Variants in XRCC4 observed in about 807,000 individuals in gnomAD.
The protein encoded by XRCC4 is DNA repair protein XRCC4.
A neutral mutation model predicts 39.1 loss-of-function variants in XRCC4; 28 were observed. The observed-to-expected ratio is 0.72, with a 90% CI of 0.53 to 0.98. XRCC4 has a LOEUF of 0.98. Ranked by LOEUF, XRCC4 falls within the 50% of genes least tolerant of loss-of-function variation. The probability of loss-of-function intolerance (pLI) is 0.00; values close to 1 mark genes in which losing one functional copy is unlikely to be tolerated. For missense variants in XRCC4, 350 were observed against 376.4 expected (o/e 0.93, Z 0.58); for synonymous variants, 123 against 126.4 (o/e 0.97, Z 0.18).
At chr5:83,247,184 A>C (rs1037439201) in intron 6 of XRCC4, among the ~76,000 whole-genome samples, 2 of 152,234 alleles carry the variant, frequency 1.3e-5, no homozygotes, top group Non-Finnish European at 2.9e-5. Flanking sequence ...ACAAGTATGC[A>C]TAATTCTAAG....
chr5:83,174,924 G>A lies in XRCC4; in HGVS notation c.316-20846G>A, dbSNP rs115606103. Among the ~76,000 whole-genome samples the A allele has an allele frequency of 9.1e-3, 1,379 of 152,236 alleles. 29 individuals carry two copies. Among genetic ancestry groups the A allele is most frequent in the African/African-American group, 0.032 (1,325 of 41,546 alleles). ...TTATGAAAATCAATATATTAGCATT[G>A]TAGGCCTTATACTACTACTCTCTTT... On this transcript the variant is annotated intron_variant, in intron 3 of 7. Transcript: ENST00000396027.
chr5:83,238,161 T>G (rs976208506), intron 6 of XRCC4, among the ~76,000 whole-genome samples: 1 of 152,156 alleles, frequency 6.6e-6, no homozygotes, highest in African/African-American at 2.4e-5. Context: ...CCTTATGGTA[T>G]TCAATAATTC....
intron 7 of XRCC4, among the ~76,000 whole-genome samples, chr5:83,299,270 T>G (rs1368411193): frequency 6.6e-6 from 1 of 152,136 alleles, no homozygotes; most frequent in Non-Finnish European, 1.5e-5. Context: ...GGCCAACAGT[T>G]TCACAATCAC....
At chr5:83,082,785 C>G (rs1417536535) in intron 1 of XRCC4, among the ~76,000 whole-genome samples, 2 of 151,632 alleles carry the variant, frequency 1.3e-5, no homozygotes, top group East Asian at 1.9e-4. Flanking sequence ...TTATGTGTGG[C>G]CCAAGACAAT....
rs371824973 is a variant in XRCC4, at chr5:83,204,910, G to A, written c.734G>A (p.Gly245Glu). 2 of 1,610,352 alleles carry A rather than the reference G, an allele frequency of 1.2e-6. No homozygotes were observed. Among genetic ancestry groups the A allele is most frequent in the Non-Finnish European group, 1.7e-6 (2 of 1,177,606 alleles). The change falls in exon 6 of 8, where the codon GGG becomes GAG. Residue 245 changes from glycine to glutamate, a missense_variant. By Grantham distance (98) the Gly-to-Glu change is moderately conservative. Coordinates refer to ENST00000396027, the MANE Select transcript of XRCC4 (RefSeq NM_003401.5). ...EESENQTDLS[G>E]LASAAVSKDD... ...AGTGAAAACCAAACTGATCTCTCTG[G>A]GTTGGCTTCAGGTAAGAGATACATA...
intron 3 of XRCC4, among the ~76,000 whole-genome samples, chr5:83,125,224 C>T (rs145781943): frequency 5.7e-4 from 87 of 152,218 alleles, no homozygotes; most frequent in Middle Eastern, 3.4e-3. Flanking sequence ...CTTCTAGTCT[C>T]TTGCTGGTCT....
chr5:83,280,752 T>C (rs557598752), intron 7 of XRCC4: 4 of 177,184 alleles, frequency 2.3e-5, no homozygotes, highest in African/African-American at 9.4e-5. Context: ...TATCACCTCA[T>C]TGGGGATTAA....
chr5:83,296,278 A>G (rs1755089884), intron 7 of XRCC4, among the ~76,000 whole-genome samples: 1 of 152,100 alleles, frequency 6.6e-6, no homozygotes, highest in Non-Finnish European at 1.5e-5. Flanking sequence ...TTGAAGTCAC[A>G]TTTTCCCTTT....
intron 7 of XRCC4, among the ~76,000 whole-genome samples, chr5:83,276,449 T>TTAATG (rs1443947408): frequency 2.7e-5 from 3 of 112,830 alleles, no homozygotes; most frequent in African/African-American, 1.9e-4. Flanking sequence ...CATTCATTTA[T>TTAATG]GAATGGATTA....
At chr5:83,366,237 A>G in the XRCC4 span, among the ~76,000 whole-genome samples, 6 of 152,178 alleles carry the variant, frequency 3.9e-5, no homozygotes, top group Non-Finnish European at 5.9e-5. Context: ...CTATTCACTC[A>G]TGAAATCTTG....
chr5:83,162,601 CAG>C, intron 3 of XRCC4, among the ~76,000 whole-genome samples: 1 of 152,310 alleles, frequency 6.6e-6, no homozygotes, highest in East Asian at 1.9e-4. Flanking sequence ...AAATGTATCA[CAG>C]AGTTTACCAC....
chr5:83,098,316 A>T (rs1419258315), intron 1 of XRCC4, among the ~76,000 whole-genome samples: 1 of 152,098 alleles, frequency 6.6e-6, no homozygotes, highest in African/African-American at 2.4e-5. Context: ...TTTGAATAAG[A>T]TTATGTTAGC....
intron 3 of XRCC4, among the ~76,000 whole-genome samples, chr5:83,120,408 C>T (rs1179442622): frequency 1.3e-5 from 2 of 152,206 alleles, no homozygotes. Flanking sequence ...AGCCTCTTTG[C>T]AGTCAGGCTC....
intron 3 of XRCC4, among the ~76,000 whole-genome samples, chr5:83,129,171 C>T (rs6895037): frequency 0.45 from 60,618 of 133,304 alleles, 14,791 homozygotes; most frequent in African/African-American, 0.59. Flanking sequence ...AAGGAAGGGA[C>T]CCAGTTTCAG....
chr5:83,307,733 T>C (rs912240911), intron 7 of XRCC4, among the ~76,000 whole-genome samples: 1 of 152,168 alleles, frequency 6.6e-6, no homozygotes, highest in Non-Finnish European at 1.5e-5. Context: ...TATTTTTAGT[T>C]GGAACATAGC....
At chr5:83,299,040 T>C (rs1371643649) in intron 7 of XRCC4, among the ~76,000 whole-genome samples, 1 of 152,106 alleles carries the variant, frequency 6.6e-6, no homozygotes, top group African/African-American at 2.4e-5. Flanking sequence ...TTCTCCTTGC[T>C]TTTTAGCCTT....
chr5:83,249,720 A>T (rs960083906), intron 6 of XRCC4, among the ~76,000 whole-genome samples: 44 of 117,466 alleles, frequency 3.7e-4, no homozygotes, highest in Non-Finnish European at 6.3e-4. Context: ...AATTCACCAG[A>T]TAATCATGCC....
chr5:83,186,282 C>T (rs754059419), intron 3 of XRCC4, among the ~76,000 whole-genome samples: 14 of 151,966 alleles, frequency 9.2e-5, no homozygotes, highest in Non-Finnish European at 1.6e-4. Context: ...AGGAGAAAAC[C>T]GTGAATTTTG....
At chr5:83,108,854 CTT>C (rs370868182) in intron 2 of XRCC4, among the ~76,000 whole-genome samples, 5 of 143,308 alleles carry the variant, frequency 3.5e-5, no homozygotes, top group Admixed American at 7.0e-5. Flanking sequence ...TTATCTTCTT[CTT>C]TTTTTTTTTT....
Sources: gnomAD v4.1 joint callset for allele counts (sites outside exome capture counted in the v4.1 genomes callset) on GRCh38, gnomAD v4.1.1 for gene constraint, MANE v1.5 for transcripts, NCBI Gene and HGNC (gene_info 2026-07-23, HGNC 2026-07-21) for gene names.